The following ROBO2 variants were observed in gnomAD, a reference collection of about 807,000 sequenced individuals.
The protein encoded by ROBO2 is roundabout homolog 2.
A neutral mutation model predicts 160.8 loss-of-function variants in ROBO2; 53 were observed. The ratio of observed to expected loss-of-function variants is 0.33; its 90% CI spans 0.26 to 0.41. The LOEUF (loss-of-function observed/expected upper bound fraction) is 0.41. Ranked by LOEUF, ROBO2 falls within the 10% of genes least tolerant of loss-of-function variation. The probability of loss-of-function intolerance (pLI) is 1.00; values close to 1 mark genes in which losing one functional copy is unlikely to be tolerated. For synonymous variants in ROBO2, 664 were observed against 611.7 expected (o/e 1.09, Z -1.26); for missense variants, 1,577 against 1,722.4 (o/e 0.92, Z 1.49).
intron 2 of ROBO2, among the ~76,000 whole-genome samples, chr3:76,292,002 T>A (rs1708827996): frequency 6.6e-6 from 1 of 151,864 alleles, no homozygotes; most frequent in Non-Finnish European, 1.5e-5. Flanking sequence ...TTGGGTGGAG[T>A]GTTTTATAGA....
intron 6 of ROBO2, among the ~76,000 whole-genome samples, chr3:77,524,964 T>C (rs932874508): frequency 1.3e-5 from 2 of 151,482 alleles, no homozygotes; most frequent in Admixed American, 6.6e-5. Context: ...AGTAAAATAC[T>C]GTTTAAAAAC....
At chr3:76,574,458 C>T (rs1197655443) in intron 2 of ROBO2, among the ~76,000 whole-genome samples, 1 of 152,078 alleles carries the variant, frequency 6.6e-6, no homozygotes, top group African/African-American at 2.4e-5. Context: ...GAGTCAGCTT[C>T]TATACCTAAA....
At chr3:76,233,387 G>A (rs1470473125) in intron 2 of ROBO2, among the ~76,000 whole-genome samples, 3 of 152,110 alleles carry the variant, frequency 2.0e-5, no homozygotes, top group South Asian at 2.1e-4. Context: ...GAGGTGATCC[G>A]CCTGCCTCGG....
At chr3:76,106,158 G>C (rs577780055) in intron 2 of ROBO2, among the ~76,000 whole-genome samples, 1 of 152,190 alleles carries the variant, frequency 6.6e-6, no homozygotes, top group Non-Finnish European at 1.5e-5. Flanking sequence ...CATAGAGTTG[G>C]AAAAGGCAAA....
At chr3:76,788,960 T>G (rs1293805563) in intron 2 of ROBO2, among the ~76,000 whole-genome samples, 1 of 151,542 alleles carries the variant, frequency 6.6e-6, no homozygotes, top group Non-Finnish European at 1.5e-5. Flanking sequence ...TTGGTAATCC[T>G]TAAATAATCA....
intron 2 of ROBO2, among the ~76,000 whole-genome samples, chr3:76,073,447 A>T (rs2068537990): frequency 6.7e-6 from 1 of 149,580 alleles, no homozygotes; most frequent in South Asian, 2.1e-4. Flanking sequence ...CGCCGCCCCC[A>T]CGCCCGGCTA....
At chr3:77,350,552 C>T (rs1203798186) in intron 2 of ROBO2, among the ~76,000 whole-genome samples, 2 of 152,102 alleles carry the variant, frequency 1.3e-5, no homozygotes, top group African/African-American at 2.4e-5. Flanking sequence ...AAAGCAGGCT[C>T]TGAAGGAGGC....
rs1000385247 is a variant in ROBO2 at position 77,103,600 on chromosome 3, T to C, written c.388+5260T>C. 5.9e-5 allele frequency among the ~76,000 whole-genome samples: 9 copies of C among 152,320 alleles called. No homozygotes were observed. In the South Asian group the frequency reaches 1.0e-3, roughly 18 times the overall value. ...CTGGAAATAGATTGAATTCCATGAC[T>C]TCAGGATGATTATTTTTTCTTTTTC... On this transcript the variant is annotated intron_variant, in intron 2 of 25. Transcript: ENST00000461745.
intron 2 of ROBO2, among the ~76,000 whole-genome samples, chr3:77,015,148 C>T (rs73843444): frequency 0.072 from 10,962 of 152,012 alleles, 1,272 homozygotes; most frequent in African/African-American, 0.25. Flanking sequence ...TCATAAGAGC[C>T]CTAAGGAAAT....
At chr3:76,887,515 G>A (rs1049592143) in intron 2 of ROBO2, among the ~76,000 whole-genome samples, 2 of 152,074 alleles carry the variant, frequency 1.3e-5, no homozygotes, top group African/African-American at 2.4e-5. Context: ...GCTGACAAGA[G>A]GTTGTAATGT....
At chr3:76,939,060 A>G (rs1487492086) in intron 2 of ROBO2, among the ~76,000 whole-genome samples, 3 of 151,940 alleles carry the variant, frequency 2.0e-5, no homozygotes, top group Non-Finnish European at 4.4e-5. Flanking sequence ...ATATTCAGCC[A>G]ACAGAGAGGT....
chr3:76,519,683 G>T (rs897661081), intron 2 of ROBO2, among the ~76,000 whole-genome samples: 1 of 152,160 alleles, frequency 6.6e-6, no homozygotes, highest in Non-Finnish European at 1.5e-5. Context: ...TGATAGACAT[G>T]AAGCTCATCC....
intron 6 of ROBO2, among the ~76,000 whole-genome samples, chr3:77,541,335 C>T (rs1020003774): frequency 6.6e-6 from 1 of 152,198 alleles, no homozygotes; most frequent in Admixed American, 6.5e-5. Flanking sequence ...GTGCTTCCTA[C>T]TCATGTTCAG....
chr3:76,578,058 A>C (rs2108678814), intron 2 of ROBO2, among the ~76,000 whole-genome samples: 1 of 152,300 alleles, frequency 6.6e-6, no homozygotes, highest in Non-Finnish European at 1.5e-5. Context: ...CAAAGAAAAG[A>C]GTCAGGTTGT....
At chr3:75,910,770 G>A (rs575567639) in intron 1 of ROBO2, among the ~76,000 whole-genome samples, 4 of 152,204 alleles carry the variant, frequency 2.6e-5, no homozygotes, top group African/African-American at 9.6e-5. Context: ...CTATAGTGTT[G>A]ACATTAAGAG....
chr3:77,086,076 G>T (rs2069263556), intron 1 of ROBO2, among the ~76,000 whole-genome samples: 1 of 151,976 alleles, frequency 6.6e-6, no homozygotes, highest in African/African-American at 2.4e-5. Context: ...AACAGCGTTG[G>T]TATATATTTC....
chr3:76,832,687 G>A (rs568962732), intron 2 of ROBO2, among the ~76,000 whole-genome samples: 7 of 152,102 alleles, frequency 4.6e-5, no homozygotes, highest in Non-Finnish European at 8.8e-5. Context: ...AAGTACAAAC[G>A]GTTTCAGGAG....
intron 2 of ROBO2, among the ~76,000 whole-genome samples, chr3:77,209,814 A>T (rs2083894047): frequency 6.6e-6 from 1 of 152,156 alleles, no homozygotes; most frequent in South Asian, 2.1e-4. Flanking sequence ...GATAACTTTT[A>T]AATACAATTG....
intron 2 of ROBO2, among the ~76,000 whole-genome samples, chr3:77,291,046 C>A (rs568544277): frequency 2.1e-5 from 3 of 145,902 alleles, no homozygotes; most frequent in South Asian, 2.2e-4. Flanking sequence ...GATGGTTAAA[C>A]GAGTAAGCTG....
Sources: allele counts gnomAD v4.1 joint callset (sites outside exome capture counted in the v4.1 genomes callset), GRCh38; gene constraint gnomAD v4.1.1; transcripts MANE v1.5; gene names NCBI Gene and HGNC (gene_info 2026-07-23, HGNC 2026-07-21).